Variants in SLC35F3 observed in about 807,000 individuals in gnomAD.
SLC35F3 encodes solute carrier family 35 member F3.
A neutral mutation model predicts 49.9 loss-of-function variants in SLC35F3; 25 were observed. The observed-to-expected ratio is 0.50, with a 90% CI of 0.37 to 0.70. The LOEUF (loss-of-function observed/expected upper bound fraction) is 0.70. SLC35F3 is among the 30% of genes least tolerant of loss of function. The pLI, the probability that SLC35F3 is intolerant of heterozygous loss-of-function variation, is 0.00. For missense variants in SLC35F3, 525 were observed against 639.8 expected (o/e 0.82, Z 1.94); for synonymous variants, 275 against 265.4 (o/e 1.04, Z -0.35).
chr1:233,940,376 AG>A (rs1365382025), intron 2 of SLC35F3, among the ~76,000 whole-genome samples: 5 of 151,220 alleles, frequency 3.3e-5, no homozygotes, highest in Middle Eastern at 3.4e-3. Context: ...ACACAGAGAG[AG>A]AGAGAGAGAG....
rs748154030 is a variant in SLC35F3 at position 234,324,373 on chromosome 1, A to G, written c.*1130A>G. On this transcript the variant is annotated 3_prime_UTR_variant, in exon 8 of 8. Transcript: ENST00000366618. ...TATTTTGAAACGTTGTCATAACCCA[A>G]TGGTGCATTCTGTAACCATGGAGTC... 5.9e-5 allele frequency: 9 copies of G among 152,346 alleles called. No homozygotes were observed. The highest frequency in any genetic ancestry group is 1.2e-4 in the Non-Finnish European group (8 of 68,020). The allele number at this position is 152,346 out of a possible 1,614,324, so 9.4% of individuals were successfully genotyped here.
At chr1:233,965,620 G>A (rs1279084783) in intron 2 of SLC35F3, among the ~76,000 whole-genome samples, 1 of 152,148 alleles carries the variant, frequency 6.6e-6, no homozygotes, top group Non-Finnish European at 1.5e-5. Flanking sequence ...GAAGCCAAGG[G>A]CCTCATTCTC....
At chr1:234,096,342 G>A (rs1665117459) in intron 2 of SLC35F3, among the ~76,000 whole-genome samples, 1 of 152,184 alleles carries the variant, frequency 6.6e-6, no homozygotes, top group Non-Finnish European at 1.5e-5. Flanking sequence ...GGCTACACAG[G>A]AAGGATCAGT....
intron 3 of SLC35F3, among the ~76,000 whole-genome samples, chr1:234,303,332 C>T (rs1572143206): frequency 2.0e-5 from 3 of 152,334 alleles, no homozygotes; most frequent in Non-Finnish European, 2.9e-5. Flanking sequence ...ACTATTTTCC[C>T]TGTTCTTGCT....
intron 2 of SLC35F3, among the ~76,000 whole-genome samples, chr1:234,152,928 C>A (rs1456413221): frequency 3.9e-5 from 6 of 152,152 alleles, no homozygotes; most frequent in Non-Finnish European, 7.4e-5. Flanking sequence ...CTCTAACTGG[C>A]GTGAGATGGT....
chr1:234,162,768 T>C (rs1666248063), intron 2 of SLC35F3, among the ~76,000 whole-genome samples: 1 of 152,252 alleles, frequency 6.6e-6, no homozygotes, highest in Non-Finnish European at 1.5e-5. Flanking sequence ...TCCAGCTTGC[T>C]GGCAGGATGG....
chr1:233,920,740 A>T (rs6667214), intron 2 of SLC35F3, among the ~76,000 whole-genome samples: 8,330 of 152,176 alleles, frequency 0.055, 719 homozygotes, highest in African/African-American at 0.19. Context: ...AACTTCTCTC[A>T]CCCTCTTTTC....
intron 3 of SLC35F3, among the ~76,000 whole-genome samples, chr1:234,296,267 C>CA (rs750739714): frequency 4.4e-4 from 66 of 151,404 alleles, no homozygotes; most frequent in Non-Finnish European, 7.4e-4. Flanking sequence ...ACGTCCATCG[C>CA]AAAAAAATCA....
intron 2 of SLC35F3, among the ~76,000 whole-genome samples, chr1:233,988,135 G>T (rs79592031): frequency 6.6e-6 from 1 of 152,116 alleles, no homozygotes; most frequent in Non-Finnish European, 1.5e-5. Context: ...CTGAGAACAC[G>T]AGTGGTATTT....
intron 2 of SLC35F3, among the ~76,000 whole-genome samples, chr1:233,949,711 G>A (rs530079657): frequency 3.9e-5 from 6 of 152,256 alleles, no homozygotes; most frequent in East Asian, 1.9e-4. Flanking sequence ...AATTAGTGTC[G>A]CTAGCAGCCC....
intron 3 of SLC35F3, among the ~76,000 whole-genome samples, chr1:234,287,063 G>T (rs1668432484): frequency 6.6e-6 from 1 of 152,138 alleles, no homozygotes; most frequent in South Asian, 2.1e-4. Flanking sequence ...GCTTGGCACG[G>T]TGGTGTGTAC....
At chr1:233,926,184 T>G (rs1662157024) in intron 2 of SLC35F3, among the ~76,000 whole-genome samples, 1 of 152,196 alleles carries the variant, frequency 6.6e-6, no homozygotes, top group Non-Finnish European at 1.5e-5. Context: ...TGGCCTGCCT[T>G]GCTAGATTGG....
In SLC35F3 at chr1:234,309,338, T is replaced by C; in HGVS notation, c.828+18T>C. ...GAGTGAGGGTAAGTTCCTTATTATC[T>C]GTCTTCCTCCCTCACTCAGTCATGT... On this transcript the variant is annotated intron_variant, in intron 4 of 7. Coordinates refer to ENST00000366618, the MANE Select transcript of SLC35F3 (RefSeq NM_173508.4). The C allele has an allele frequency of 6.2e-7, 1 of 1,609,688 alleles. No homozygotes were observed. The highest frequency in any genetic ancestry group is 2.2e-5 in the East Asian group (1 of 44,860).
At chr1:233,926,866 G>C (rs1662168537) in intron 2 of SLC35F3, among the ~76,000 whole-genome samples, 1 of 152,108 alleles carries the variant, frequency 6.6e-6, no homozygotes, top group East Asian at 1.9e-4. Flanking sequence ...CTTTCTGCTT[G>C]TTAGTTTTCC....
chr1:234,135,400 G>A (rs1364103311), intron 2 of SLC35F3, among the ~76,000 whole-genome samples: 1 of 152,166 alleles, frequency 6.6e-6, no homozygotes, highest in African/African-American at 2.4e-5. Flanking sequence ...TGGATGAATG[G>A]ATGCATCAGG....
chr1:234,081,664 A>G (rs1334840941), intron 2 of SLC35F3, among the ~76,000 whole-genome samples: 1 of 151,824 alleles, frequency 6.6e-6, no homozygotes, highest in East Asian at 1.9e-4. Flanking sequence ...GTCCACTGTA[A>G]AAGAGAATAC....
At chr1:234,084,250 C>A (rs1467069546) in intron 2 of SLC35F3, among the ~76,000 whole-genome samples, 1 of 151,338 alleles carries the variant, frequency 6.6e-6, no homozygotes. Flanking sequence ...CACACACACA[C>A]AATTTTGTGT....
At chr1:234,221,469 A>G (rs931887161) in intron 2 of SLC35F3, among the ~76,000 whole-genome samples, 2 of 152,222 alleles carry the variant, frequency 1.3e-5, no homozygotes, top group African/African-American at 4.8e-5. Context: ...GGCAAAGACA[A>G]GAATCATGAA....
intron 2 of SLC35F3, among the ~76,000 whole-genome samples, chr1:234,146,088 G>C (rs2102905935): frequency 6.6e-6 from 1 of 152,020 alleles, no homozygotes. Flanking sequence ...AATTTCTAGA[G>C]GTTTAAAATT....
Sources: gnomAD v4.1 joint callset for allele counts (sites outside exome capture counted in the v4.1 genomes callset) on GRCh38, gnomAD v4.1.1 for gene constraint, MANE v1.5 for transcripts, NCBI Gene and HGNC (gene_info 2026-07-23, HGNC 2026-07-21) for gene names.